CFAP58: variants seen among roughly 807,000 people sequenced by gnomAD.
CFAP58 encodes cilia- and flagella-associated protein 58.
CFAP58 carries 88 observed loss-of-function variants against 119.5 expected under a neutral mutation model. The observed-to-expected ratio is 0.74, with a 90% confidence interval of 0.62 to 0.88. CFAP58 has a LOEUF of 0.88. CFAP58 is among the 40% of genes least tolerant of loss of function. CFAP58 has a pLI of 0.00. For synonymous variants in CFAP58, 365 were observed against 366.3 expected (o/e 1.00, Z 0.04); for missense variants, 990 against 1,021.2 (o/e 0.97, Z 0.42).
At chr10:104,361,391 CGTT>C (rs2014664571) in intron 2 of CFAP58, among the ~76,000 whole-genome samples, 1 of 152,106 alleles carries the variant, frequency 6.6e-6, no homozygotes, top group Non-Finnish European at 1.5e-5. Flanking sequence ...TAAAGAACAT[CGTT>C]GTGTGGATTG....
chr10:104,348,519 T>C, the CFAP58 span, among the ~76,000 whole-genome samples: 1 of 152,084 alleles, frequency 6.6e-6, no homozygotes, highest in Admixed American at 6.5e-5. Context: ...GCAGAAAAAA[T>C]GGGTGTGTTC....
In CFAP58 at chr10:104,358,328, T is replaced by G. The variant is rs779431446; in HGVS notation, c.10-13T>G. 3.7e-6 allele frequency: 6 copies of G among 1,601,274 alleles called. No individual in the cohort carries two copies. The African/African-American group carries it at 6.7e-5, about 18-fold the overall frequency. On this transcript the variant is annotated splice_polypyrimidine_tract_variant and intron_variant, in intron 1 of 17. Transcript: ENST00000369704. Reference sequence around the variant, plus strand: ...TTGCATTGCCCTTTCCCATCCCTGCTTTTTTTCTATAGGAAAAGGGTGGAA... The same window carrying G: ...TTGCATTGCCCTTTCCCATCCCTGCGTTTTTTCTATAGGAAAAGGGTGGAA...
chr10:104,406,912 C>A, intron 15 of CFAP58, 119 bp downstream of exon 15: 4 of 707,084 alleles, frequency 5.7e-6, no homozygotes, highest in South Asian at 3.5e-5. Flanking sequence ...CTGTAGATGG[C>A]AACAGTGACT....
chr10:104,410,776 G>C (rs535945386), intron 15 of CFAP58, among the ~76,000 whole-genome samples: 1 of 152,132 alleles, frequency 6.6e-6, no homozygotes, highest in South Asian at 2.1e-4. Flanking sequence ...CTGTGTCTTC[G>C]AATAGTCTCT....
intron 7 of CFAP58, among the ~76,000 whole-genome samples, chr10:104,374,251 G>C (rs1432569344): frequency 2.0e-5 from 3 of 151,564 alleles, no homozygotes. Context: ...CTTGAGCCCG[G>C]GAGTCTGAGA....
intron 15 of CFAP58, among the ~76,000 whole-genome samples, chr10:104,414,072 G>T (rs1483486500): frequency 6.6e-6 from 1 of 152,152 alleles, no homozygotes; most frequent in Non-Finnish European, 1.5e-5. Flanking sequence ...GCCAAAGGGA[G>T]TGGTGGGGAT....
intron 15 of CFAP58, among the ~76,000 whole-genome samples, chr10:104,437,476 T>C (rs761029709): frequency 6.6e-6 from 1 of 152,372 alleles, no homozygotes; most frequent in Admixed American, 6.5e-5. Context: ...AGTAGAATTG[T>C]TTAATATTTT....
chr10:104,408,388 A>G (rs1293079873), intron 15 of CFAP58, among the ~76,000 whole-genome samples: 2 of 152,228 alleles, frequency 1.3e-5, no homozygotes, highest in Non-Finnish European at 2.9e-5. Flanking sequence ...CAGAGTACAT[A>G]GTTTGGATGT....
In CFAP58 at chr10:104,443,975, C is replaced by G. The variant is rs11192063; in HGVS notation, c.2257-3723C>G. 3.3e-3 allele frequency among the ~76,000 whole-genome samples: 501 copies of G among 152,284 alleles called. 4 individuals carry two copies. The highest frequency in any genetic ancestry group is 0.011 in the African/African-American group (458 of 41,554). On this transcript the variant is annotated intron_variant, in intron 15 of 17. Transcript: ENST00000369704. ...AAGAATTCATAATCACATCTGATGG[C>G]CTGTCCAACGGAGAGAACAGGATGT...
chr10:104,358,157 G>A (rs28756887), intron 1 of CFAP58, among the ~76,000 whole-genome samples, 184 bp from the exon 2 acceptor site: 1 of 140,596 alleles, frequency 7.1e-6, no homozygotes, highest in African/African-American at 3.0e-5. Context: ...ACTTATATAT[G>A]TACATAAGCA....
chr10:104,360,034 A>G (rs896067414), intron 2 of CFAP58, among the ~76,000 whole-genome samples: 2 of 152,256 alleles, frequency 1.3e-5, no homozygotes, highest in African/African-American at 4.8e-5. Flanking sequence ...TATGTGCTAT[A>G]GTTACCCAAG....
chr10:104,421,141 A>G (rs1156347534), intron 15 of CFAP58, among the ~76,000 whole-genome samples: 1 of 152,220 alleles, frequency 6.6e-6, no homozygotes, highest in Non-Finnish European at 1.5e-5. Context: ...ATCTGACTAC[A>G]GAGGTTCAAT....
intron 2 of CFAP58, 137 bp downstream of exon 2, chr10:104,358,759 T>TATA: frequency 2.9e-6 from 2 of 681,684 alleles, no homozygotes; most frequent in Non-Finnish European, 4.5e-6. Flanking sequence ...GCCTAAGGAA[T>TATA]AATGTTCATT....
At chr10:104,441,049 C>CTGGA (rs2013028775) in intron 15 of CFAP58, among the ~76,000 whole-genome samples, 1 of 152,220 alleles carries the variant, frequency 6.6e-6, no homozygotes, top group Non-Finnish European at 1.5e-5. Context: ...GTCACCCAGG[C>CTGGA]TGGAGTGCAG....
At chr10:104,350,268 C>T (rs1301621032), upstream of CFAP58, among the ~76,000 whole-genome samples, 1 of 152,166 alleles carries the variant, frequency 6.6e-6, no homozygotes, top group Non-Finnish European at 1.5e-5. Context: ...AATAGAAGCA[C>T]TCATTTGTCT....
chr10:104,431,156 A>AAGGC (rs1461767505), intron 15 of CFAP58, among the ~76,000 whole-genome samples: 1 of 152,234 alleles, frequency 6.6e-6, no homozygotes, highest in African/African-American at 2.4e-5. Context: ...CAGTTACATT[A>AAGGC]ATCATTCATT....
At chr10:104,357,554 G>A (rs1402507146) in intron 1 of CFAP58, among the ~76,000 whole-genome samples, 1 of 152,012 alleles carries the variant, frequency 6.6e-6, no homozygotes, top group African/African-American at 2.4e-5. Context: ...AAGAGACCAG[G>A]GTTTGGAATA....
intron 15 of CFAP58, among the ~76,000 whole-genome samples, chr10:104,419,060 G>A (rs1184147015): frequency 1.3e-5 from 2 of 152,208 alleles, no homozygotes; most frequent in African/African-American, 4.8e-5. Flanking sequence ...TGAGGAGGCT[G>A]TGTCCCCGTC....
chr10:104,367,121 G>C (rs1257639012), intron 5 of CFAP58, among the ~76,000 whole-genome samples: 2 of 151,984 alleles, frequency 1.3e-5, no homozygotes, highest in Admixed American at 6.6e-5. Flanking sequence ...GGCCTCCCAG[G>C]GTGCTAGGAT....
Sources: gnomAD v4.1 joint callset for allele counts (sites outside exome capture counted in the v4.1 genomes callset) on GRCh38, gnomAD v4.1.1 for gene constraint, MANE v1.5 for transcripts, NCBI Gene and HGNC (gene_info 2026-07-23, HGNC 2026-07-21) for gene names.